NRXN3: variants seen among roughly 807,000 people sequenced by gnomAD.
NRXN3 encodes neurexin III.
NRXN3 carries 32 observed loss-of-function variants against 137.6 expected under a neutral mutation model. That is an observed-to-expected ratio of 0.23 (90% CI 0.18 to 0.31). The LOEUF is 0.31. NRXN3 is among the 10% of genes least tolerant of loss of function. The pLI is 1.00. For synonymous variants in NRXN3, 798 were observed against 784.5 expected (o/e 1.02, Z -0.29); for missense variants, 1,574 against 2,062.5 (o/e 0.76, Z 4.59).
chr14:79,334,459 G>C (rs2092080229), intron 15 of NRXN3, among the ~76,000 whole-genome samples: 1 of 152,192 alleles, frequency 6.6e-6, no homozygotes, highest in Non-Finnish European at 1.5e-5. Context: ...AATGCACTTG[G>C]CTTATTGGAG....
intron 8 of NRXN3, among the ~76,000 whole-genome samples, chr14:78,767,769 C>T (rs1399759595): frequency 6.6e-6 from 1 of 152,120 alleles, no homozygotes; most frequent in Non-Finnish European, 1.5e-5. Flanking sequence ...AACATTTGGT[C>T]AGTGTCAGAA....
intron 1 of NRXN3, chr14:78,231,672 A>G (rs2065419748): frequency 6.6e-6 from 1 of 152,228 alleles, no homozygotes; most frequent in Non-Finnish European, 1.5e-5. Flanking sequence ...GACTTTGGAA[A>G]AATGACTTCA....
intron 8 of NRXN3, among the ~76,000 whole-genome samples, chr14:78,787,665 A>C (rs2098793009): frequency 6.6e-6 from 1 of 152,180 alleles, no homozygotes; most frequent in African/African-American, 2.4e-5. Flanking sequence ...TGGCAGAGTG[A>C]GGCAGCAAGC....
intron 15 of NRXN3, among the ~76,000 whole-genome samples, chr14:79,057,870 T>TA (rs1002078535): frequency 4.0e-5 from 6 of 151,700 alleles, no homozygotes; most frequent in South Asian, 4.2e-4. Flanking sequence ...GAGACGAGGT[T>TA]AAAAAAAAGG....
At chr14:79,300,187 G>A (rs1453477863) in intron 15 of NRXN3, among the ~76,000 whole-genome samples, 1 of 152,056 alleles carries the variant, frequency 6.6e-6, no homozygotes, top group East Asian at 1.9e-4. Flanking sequence ...CAAATGTTAA[G>A]TAATCTGCTC....
chr14:79,865,715 TCTCAAC>T lies in NRXN3; in HGVS notation c.*3757_*3762del, dbSNP rs2099417848. 6.6e-6 allele frequency: 1 copy of T among 152,230 alleles called. No individual in the cohort carries two copies. The highest frequency in any genetic ancestry group is 1.5e-5 in the Non-Finnish European group (1 of 68,048). The allele number at this position is 152,230 out of a possible 1,614,324, so 9.4% of individuals were successfully genotyped here. A position where few individuals can be genotyped will look rare whatever the true frequency, so the allele number is the denominator to read the frequency against. Reference sequence around the variant, plus strand: ...ATATTGGCTCACTGCAACCTCTGCCTCTCAACCTCAAACGATTCTCCTGCCTCAGCC... The same window carrying T: ...ATATTGGCTCACTGCAACCTCTGCCTCTCAAACGATTCTCCTGCCTCAGCC... On this transcript the variant is annotated 3_prime_UTR_variant, in exon 21 of 21. Coordinates refer to ENST00000335750, the MANE Select transcript of NRXN3 (RefSeq NM_001330195.2).
At chr14:79,401,864 AC>A (rs1309939807) in intron 15 of NRXN3, among the ~76,000 whole-genome samples, 18 of 151,790 alleles carry the variant, frequency 1.2e-4, no homozygotes, top group Admixed American at 2.6e-4. Flanking sequence ...AAAAAAAAAA[AC>A]AATGAGTATT....
chr14:78,238,328 A>G (rs2066614344), intron 1 of NRXN3, among the ~76,000 whole-genome samples: 1 of 152,202 alleles, frequency 6.6e-6, no homozygotes, highest in Non-Finnish European at 1.5e-5. Flanking sequence ...GAGCTTCTGC[A>G]CCAGCCCGGG....
rs548832541 is a variant in NRXN3, at chr14:79,753,635, G to T, written c.4015-51477G>T. 8.6e-5 allele frequency among the ~76,000 whole-genome samples: 13 copies of T among 151,266 alleles called. No homozygotes were observed. In the South Asian group the frequency reaches 2.7e-3, roughly 32 times the overall value. On this transcript the variant is annotated intron_variant, in intron 19 of 20. Transcript: ENST00000335750. ...AACTAATGCTAAATGACGAGTTAAT[G>T]GGTGCAGCACACCAGCATGGCACAT...
In NRXN3 at chr14:78,712,301, T is replaced by C. The variant is rs570469084; in HGVS notation, c.1661-2455T>C. 2.6e-5 allele frequency among the ~76,000 whole-genome samples: 4 copies of C among 152,234 alleles called. No homozygotes were observed. The South Asian group carries it at 8.3e-4, about 32-fold the overall frequency. ...TTCCTCCTTTGTAAGATAGAGAAAA[T>C]AATAACTCCTACCTCCCAATATTGT... On this transcript the variant is annotated intron_variant, in intron 7 of 20. Coordinates refer to ENST00000335750, the MANE Select transcript of NRXN3 (RefSeq NM_001330195.2).
At chr14:78,977,264 A>G (rs181871984) in intron 14 of NRXN3, among the ~76,000 whole-genome samples, 332 of 152,344 alleles carry the variant, frequency 2.2e-3, no homozygotes, top group Non-Finnish European at 3.4e-3. Context: ...AGTGTCCTCC[A>G]TGCTGACTTT....
At chr14:79,772,351 G>T (rs2099081393) in intron 19 of NRXN3, among the ~76,000 whole-genome samples, 3 of 152,042 alleles carry the variant, frequency 2.0e-5, no homozygotes, top group Admixed American at 2.0e-4. Context: ...AAAGCTGGAG[G>T]CATCACACTA....
rs553942003 is a variant in NRXN3, at chr14:78,471,291, A to AACAC, written c.757+173470_757+173473dup. Reference sequence around the variant, plus strand: ...TCCCTTTCTTCTCTTCAACACACTCAACACACACACACACACACACACACA... The same window carrying AACAC: ...TCCCTTTCTTCTCTTCAACACACTCAACACACACACACACACACACACACACACA... On this transcript the variant is annotated intron_variant, in intron 4 of 20. Coordinates refer to ENST00000335750, the MANE Select transcript of NRXN3 (RefSeq NM_001330195.2). Among the ~76,000 whole-genome samples, 98 of 96,848 alleles carry AACAC rather than the reference A, an allele frequency of 1.0e-3. 1 individual carries two copies. The East Asian group carries it at 0.023, about 23-fold the overall frequency. The allele number at this position is 96,848 out of a possible 152,430, so 63.5% of individuals were successfully genotyped here.
At chr14:78,312,279 G>A (rs553036601) in intron 4 of NRXN3, among the ~76,000 whole-genome samples, 1 of 152,280 alleles carries the variant, frequency 6.6e-6, no homozygotes, top group African/African-American at 2.4e-5. Context: ...TTGAATTTCA[G>A]TATTTTATGA....
intron 10 of NRXN3, among the ~76,000 whole-genome samples, chr14:78,849,998 G>A (rs2099038290): frequency 6.6e-6 from 1 of 152,160 alleles, no homozygotes; most frequent in Non-Finnish European, 1.5e-5. Flanking sequence ...ATATGGAGAA[G>A]GGATATAGAA....
At chr14:78,662,431 C>A (rs998345179) in intron 6 of NRXN3, among the ~76,000 whole-genome samples, 1 of 152,004 alleles carries the variant, frequency 6.6e-6, no homozygotes, top group African/African-American at 2.4e-5. Flanking sequence ...AGAAGAGAAA[C>A]TAAGTCTAGT....
At chr14:79,509,787 A>G (rs1184558247) in intron 16 of NRXN3, among the ~76,000 whole-genome samples, 1 of 152,110 alleles carries the variant, frequency 6.6e-6, no homozygotes, top group Non-Finnish European at 1.5e-5. Context: ...TAAAAAGGGA[A>G]ACATAATAAC....
chr14:78,943,444 GA>G (rs1479428549), intron 10 of NRXN3, among the ~76,000 whole-genome samples: 4 of 150,840 alleles, frequency 2.7e-5, no homozygotes, highest in African/African-American at 9.7e-5. Context: ...AGTCTGGGGG[GA>G]GAAGCACCCT....
chr14:78,725,861 T>A (rs2098480724), intron 8 of NRXN3, among the ~76,000 whole-genome samples: 1 of 152,254 alleles, frequency 6.6e-6, no homozygotes, highest in Admixed American at 6.5e-5. Flanking sequence ...ATGTACTAAA[T>A]GCTTAGCAGT....
Sources: allele counts gnomAD v4.1 joint callset (sites outside exome capture counted in the v4.1 genomes callset), GRCh38; gene constraint gnomAD v4.1.1; transcripts MANE v1.5; gene names NCBI Gene and HGNC (gene_info 2026-07-23, HGNC 2026-07-21).